KIAA1328: variants seen among roughly 807,000 people sequenced by gnomAD.
The protein encoded by KIAA1328 is KIAA1328.
KIAA1328 carries 52 observed loss-of-function variants against 68.1 expected under a neutral mutation model. That is an observed-to-expected ratio of 0.76 (90% CI 0.61 to 0.96). The LOEUF is 0.96. KIAA1328 is among the 40% of genes least tolerant of loss of function. The pLI is 0.00. For synonymous variants in KIAA1328, 232 were observed against 239.4 expected (o/e 0.97, Z 0.28); for missense variants, 641 against 677.6 (o/e 0.95, Z 0.60).
chr18:37,207,301 T>C (rs1474094045), intron 9 of KIAA1328, among the ~76,000 whole-genome samples: 1 of 152,150 alleles, frequency 6.6e-6, no homozygotes, highest in Non-Finnish European at 1.5e-5. Flanking sequence ...AGATCCCCAT[T>C]TTGGCTATTG....
intron 9 of KIAA1328, among the ~76,000 whole-genome samples, chr18:37,184,735 A>C (rs2059762192): frequency 6.6e-6 from 1 of 152,254 alleles, no homozygotes; most frequent in Non-Finnish European, 1.5e-5. Flanking sequence ...AAAAATCAAC[A>C]CAAAAACTGG....
intron 7 of KIAA1328, among the ~76,000 whole-genome samples, chr18:37,077,047 A>G (rs2056764564): frequency 6.6e-6 from 1 of 152,028 alleles, no homozygotes; most frequent in Admixed American, 6.6e-5. Flanking sequence ...AGAATTTTAG[A>G]CCAATATCCT....
chr18:36,975,582 G>C (rs1033840273), intron 6 of KIAA1328, among the ~76,000 whole-genome samples: 17 of 152,236 alleles, frequency 1.1e-4, no homozygotes, highest in African/African-American at 3.6e-4. Flanking sequence ...GCACCCTTCA[G>C]GTAAACAGAT....
chr18:37,111,119 C>G (rs1173230236), intron 7 of KIAA1328, among the ~76,000 whole-genome samples: 1 of 152,000 alleles, frequency 6.6e-6, no homozygotes. Context: ...GAAAAAGAAC[C>G]AGTAGGAGAT....
chr18:37,147,619 A>G (rs1471912098), intron 7 of KIAA1328, among the ~76,000 whole-genome samples: 1 of 152,034 alleles, frequency 6.6e-6, no homozygotes, highest in African/African-American at 2.4e-5. Context: ...TCACTCTCCA[A>G]ACTCCTTCTT....
At chr18:37,059,683 T>A (rs1373045215) in intron 6 of KIAA1328, among the ~76,000 whole-genome samples, 2 of 152,200 alleles carry the variant, frequency 1.3e-5, no homozygotes, top group Non-Finnish European at 2.9e-5. Flanking sequence ...GCAGTCCCAT[T>A]ACTGGGTATA....
intron 7 of KIAA1328, 115 bp downstream of exon 7, chr18:37,067,660 A>G (rs1224215119): frequency 1.8e-6 from 2 of 1,135,152 alleles, no homozygotes; most frequent in Non-Finnish European, 2.4e-6. Context: ...TCCCGAGTTC[A>G]AGCAGTTCTC....
chr18:36,947,594 T>G (rs1568199433), intron 5 of KIAA1328, among the ~76,000 whole-genome samples: 1 of 151,880 alleles, frequency 6.6e-6, no homozygotes, highest in Non-Finnish European at 1.5e-5. Flanking sequence ...GAGACCAAGG[T>G]TTTTTGCAGG....
At chr18:37,165,456 G>T (rs73421140) in intron 8 of KIAA1328, among the ~76,000 whole-genome samples, 50 of 151,662 alleles carry the variant, frequency 3.3e-4, no homozygotes, top group African/African-American at 1.1e-3. Context: ...TCTTGCCCTT[G>T]TTGCCCAGAC....
rs866249228 is a variant in KIAA1328 at position 36,849,771 on chromosome 18, T to C, written c.332+5469T>C. ...GTCTTATGGTAATTCCACGTTGAAC[T>C]TTTTGAGGAAATGCCAAACTATTTT... is the stretch of plus-strand genomic sequence containing the variant. On this transcript the variant is annotated intron_variant, in intron 4 of 9. Coordinates refer to ENST00000280020, the MANE Select transcript of KIAA1328 (RefSeq NM_020776.3). Among the ~76,000 whole-genome samples, 4 of 152,098 alleles carry C rather than the reference T, an allele frequency of 2.6e-5. No homozygotes were observed. The South Asian group carries it at 8.3e-4, about 31-fold the overall frequency.
At chr18:36,940,120 A>T (rs2050651804) in intron 5 of KIAA1328, among the ~76,000 whole-genome samples, 1 of 152,206 alleles carries the variant, frequency 6.6e-6, no homozygotes, top group Non-Finnish European at 1.5e-5. Context: ...AAAAGATATG[A>T]CTTTGGAGAC....
intron 6 of KIAA1328, among the ~76,000 whole-genome samples, chr18:37,001,025 A>AT (rs2053568899): frequency 1.3e-5 from 2 of 152,056 alleles, no homozygotes; most frequent in Admixed American, 1.3e-4. Context: ...AACAGAAAAG[A>AT]TATAATAGAC....
chr18:37,092,407 G>T (rs1457265835), intron 7 of KIAA1328, among the ~76,000 whole-genome samples: 1 of 151,886 alleles, frequency 6.6e-6, no homozygotes, highest in Non-Finnish European at 1.5e-5. Flanking sequence ...GTGCCCACAT[G>T]TACCACTGTG....
At chr18:37,008,943 T>A (rs550792776) in intron 6 of KIAA1328, among the ~76,000 whole-genome samples, 9 of 152,288 alleles carry the variant, frequency 5.9e-5, no homozygotes, top group Admixed American at 5.2e-4. Context: ...CTAACTTTTA[T>A]GTCATTGGAG....
At chr18:37,204,109 C>A (rs984128164) in intron 9 of KIAA1328, among the ~76,000 whole-genome samples, 2 of 152,160 alleles carry the variant, frequency 1.3e-5, no homozygotes, top group Non-Finnish European at 2.9e-5. Flanking sequence ...CACGCCTGGC[C>A]GGTGAACCTA....
At chr18:36,834,189 T>G (rs2046593787) in intron 1 of KIAA1328, 131 bp from the exon 2 acceptor site, 4 of 1,224,528 alleles carry the variant, frequency 3.3e-6, no homozygotes, top group Admixed American at 8.3e-5. Context: ...GCTTTCTAAC[T>G]TTGTTTTTAA....
chr18:36,848,892 T>G (rs1032478734), intron 4 of KIAA1328, among the ~76,000 whole-genome samples: 4 of 151,764 alleles, frequency 2.6e-5, no homozygotes, highest in Non-Finnish European at 5.9e-5. Context: ...TTACCTTGTG[T>G]TCCTGGCTTA....
intron 6 of KIAA1328, among the ~76,000 whole-genome samples, chr18:37,050,388 G>T (rs2055646547): frequency 6.6e-6 from 1 of 151,732 alleles, no homozygotes; most frequent in Non-Finnish European, 1.5e-5. Flanking sequence ...TCTTCCATGG[G>T]GTTCCCTTGT....
At chr18:37,057,104 A>G (rs1041982695) in intron 6 of KIAA1328, among the ~76,000 whole-genome samples, 2 of 152,242 alleles carry the variant, frequency 1.3e-5, no homozygotes, top group Non-Finnish European at 2.9e-5. Context: ...CATGTAGCTC[A>G]TTTTTATTAC....
Sources: gnomAD v4.1 joint callset for allele counts (sites outside exome capture counted in the v4.1 genomes callset) on GRCh38, gnomAD v4.1.1 for gene constraint, MANE v1.5 for transcripts, NCBI Gene and HGNC (gene_info 2026-07-23, HGNC 2026-07-21) for gene names.